NUBPL: variants seen among roughly 807,000 people sequenced by gnomAD.
NUBPL encodes the protein NUBP iron-sulfur cluster assembly factor, mitochondrial.
In NUBPL, 31 loss-of-function variants were observed where a neutral mutation model predicts 45.7. The ratio of observed to expected loss-of-function variants is 0.68; its 90% CI spans 0.51 to 0.92. NUBPL has a LOEUF of 0.92. Ranked by LOEUF, NUBPL falls within the 40% of genes least tolerant of loss-of-function variation. The pLI is 0.00. For missense variants in NUBPL, 401 were observed against 398.7 expected (o/e 1.01, Z -0.05); for synonymous variants, 144 against 140.9 (o/e 1.02, Z -0.15).
At chr14:31,718,158 A>G (rs1248960284) in intron 6 of NUBPL, among the ~76,000 whole-genome samples, 1 of 152,176 alleles carries the variant, frequency 6.6e-6, no homozygotes, top group Non-Finnish European at 1.5e-5. Flanking sequence ...GTCAGAGAAG[A>G]ACATTAGATT....
chr14:31,802,421 G>T (rs149381099), intron 7 of NUBPL, among the ~76,000 whole-genome samples: 1 of 151,958 alleles, frequency 6.6e-6, no homozygotes, highest in African/African-American at 2.4e-5. Flanking sequence ...GACTACAGGC[G>T]CGTGCCACCA....
At chr14:31,587,321 G>C (rs2034020328) in intron 3 of NUBPL, among the ~76,000 whole-genome samples, 1 of 152,134 alleles carries the variant, frequency 6.6e-6, no homozygotes, top group Admixed American at 6.5e-5. Flanking sequence ...CATTTGATCT[G>C]TCAGAGCTCA....
intron 6 of NUBPL, among the ~76,000 whole-genome samples, chr14:31,717,858 C>T (rs2037723876): frequency 6.6e-6 from 1 of 152,126 alleles, no homozygotes; most frequent in Non-Finnish European, 1.5e-5. Context: ...CTCTTGGCTG[C>T]CTCTCACTTT....
rs113547421 is a variant in NUBPL at position 31,821,237 on chromosome 14, C to G, written c.608-5392C>G. ...AGCTTCTGCACATTAAAGGAACCAT[C>G]AAAGTGAAGAAACGACCCGGAAATG... On this transcript the variant is annotated intron_variant, in intron 7 of 10. Transcript: ENST00000281081. Among the ~76,000 whole-genome samples, 1,150 of 151,938 alleles carry G rather than the reference C, an allele frequency of 7.6e-3. 15 individuals carry two copies. The highest frequency in any genetic ancestry group is 0.026 in the African/African-American group (1,071 of 41,462).
At chr14:31,840,782 C>T (rs551859817) in intron 8 of NUBPL, among the ~76,000 whole-genome samples, 50 of 152,056 alleles carry the variant, frequency 3.3e-4, no homozygotes, top group East Asian at 2.9e-3. Flanking sequence ...GGGGAAATGT[C>T]AGTCAAACAA....
chr14:31,642,523 C>G (rs910619751), intron 4 of NUBPL, among the ~76,000 whole-genome samples: 10 of 152,022 alleles, frequency 6.6e-5, no homozygotes, highest in South Asian at 4.2e-4. Flanking sequence ...TATGTGTTCT[C>G]TATTCTGTTC....
intron 3 of NUBPL, among the ~76,000 whole-genome samples, chr14:31,597,101 CCT>C (rs2034304201): frequency 6.6e-6 from 1 of 152,144 alleles, no homozygotes; most frequent in African/African-American, 2.4e-5. Context: ...CTCTCTCTTT[CCT>C]CTCTTTCTCT....
Position 31,673,279 on chromosome 14 carries a change from GA to G in NUBPL, c.383-67del, listed in dbSNP as rs146587148. Reference sequence around the variant, plus strand: ...TAATTAAAAAAATTTTTAAAAAGATGAAAAAAAAACCCAATTCAGAATGTTT... The same window carrying G: ...TAATTAAAAAAATTTTTAAAAAGATGAAAAAAAACCCAATTCAGAATGTTT... On this transcript the variant is annotated intron_variant, in intron 4 of 10. Transcript: ENST00000281081. 19,739 of 1,276,724 alleles carry G rather than the reference GA, an allele frequency of 0.015. 712 individuals carry two copies. Among genetic ancestry groups the G allele is most frequent in the African/African-American group, 0.14 (9,272 of 64,710 alleles). The allele number at this position is 1,276,724 out of a possible 1,614,324, so 79.1% of individuals were successfully genotyped here.
intron 4 of NUBPL, among the ~76,000 whole-genome samples, chr14:31,651,016 T>C (rs932644351): frequency 6.6e-6 from 1 of 152,204 alleles, no homozygotes; most frequent in Non-Finnish European, 1.5e-5. Flanking sequence ...GAGGGATCTG[T>C]CGCACAACCC....
At chr14:31,841,918 T>TTTTGTTTTTG (rs1491549991) in intron 8 of NUBPL, among the ~76,000 whole-genome samples, 3,447 of 74,514 alleles carry the variant, frequency 0.046, 461 homozygotes, top group South Asian at 0.1. Context: ...GATTCTGGGC[T>TTTTGTTTTTG]TTTTTTTTTT....
At chr14:31,568,820 G>A (rs540545507) in intron 3 of NUBPL, among the ~76,000 whole-genome samples, 11 of 152,300 alleles carry the variant, frequency 7.2e-5, no homozygotes, top group African/African-American at 2.2e-4. Context: ...ACAGGTCCAG[G>A]AAGCAATTCA....
chr14:31,750,342 ATTT>A (rs34600958), intron 6 of NUBPL, among the ~76,000 whole-genome samples: 1 of 136,650 alleles, frequency 7.3e-6, no homozygotes, highest in African/African-American at 2.7e-5. Flanking sequence ...CGCCCGGCTA[ATTT>A]TTTTTTTTTT....
At chr14:31,598,552 G>C (rs562509536) in intron 3 of NUBPL, among the ~76,000 whole-genome samples, 2 of 152,208 alleles carry the variant, frequency 1.3e-5, no homozygotes, top group African/African-American at 4.8e-5. Context: ...TTTAATAGCG[G>C]ATTTTGTTTT....
chr14:31,610,908 T>G (rs1005587628), intron 4 of NUBPL, among the ~76,000 whole-genome samples: 3 of 152,176 alleles, frequency 2.0e-5, no homozygotes, highest in Non-Finnish European at 4.4e-5. Flanking sequence ...TTCAAAAAAC[T>G]GGGTATAGAA....
chr14:31,857,714 T>C (rs2040646964), intron 10 of NUBPL, among the ~76,000 whole-genome samples: 1 of 151,958 alleles, frequency 6.6e-6, no homozygotes, highest in South Asian at 2.1e-4. Context: ...ATAACAAGAG[T>C]CACCTTTGCT....
intron 4 of NUBPL, among the ~76,000 whole-genome samples, chr14:31,652,078 A>G (rs2036023067): frequency 6.6e-6 from 1 of 152,176 alleles, no homozygotes; most frequent in Non-Finnish European, 1.5e-5. Context: ...AAAATGTGAT[A>G]TATATACAGA....
chr14:31,626,130 A>G (rs899038080), intron 4 of NUBPL, among the ~76,000 whole-genome samples: 7 of 152,140 alleles, frequency 4.6e-5, no homozygotes, highest in African/African-American at 1.4e-4. Context: ...CCTCCACACC[A>G]AAGTAGCCAT....
chr14:31,647,308 C>T (rs563816390), intron 4 of NUBPL, among the ~76,000 whole-genome samples: 2 of 152,240 alleles, frequency 1.3e-5, no homozygotes, highest in African/African-American at 4.8e-5. Flanking sequence ...TTATTTATTC[C>T]AGTCTTCCGT....
At chr14:31,602,270 G>A (rs557435730) in intron 4 of NUBPL, among the ~76,000 whole-genome samples, 253 of 151,982 alleles carry the variant, frequency 1.7e-3, no homozygotes, top group African/African-American at 5.6e-3. Context: ...GGATAGCATT[G>A]GGAGATATAC....
Sources: gnomAD v4.1 joint callset for allele counts (sites outside exome capture counted in the v4.1 genomes callset) on GRCh38, gnomAD v4.1.1 for gene constraint, MANE v1.5 for transcripts, NCBI Gene and HGNC (gene_info 2026-07-23, HGNC 2026-07-21) for gene names.